Variants in FBN2 observed in about 807,000 individuals in gnomAD.
FBN2 encodes fibrillin 2.
In FBN2, 105 loss-of-function variants were observed where a neutral mutation model predicts 355.6. The observed-to-expected ratio is 0.30, with a 90% CI of 0.25 to 0.35. FBN2 has a LOEUF of 0.35. FBN2 is among the 10% of genes least tolerant of loss of function. The pLI is 1.00. For missense variants in FBN2, 3,280 were observed against 3,758.7 expected (o/e 0.87, Z 3.33); for synonymous variants, 1,350 against 1,301.2 (o/e 1.04, Z -0.81).
chr5:128,329,869 A>T (rs1750647284), intron 33 of FBN2, among the ~76,000 whole-genome samples: 1 of 152,228 alleles, frequency 6.6e-6, no homozygotes, highest in Non-Finnish European at 1.5e-5. Flanking sequence ...CTTTACGTCC[A>T]GCAAGATTAT....
intron 5 of FBN2, among the ~76,000 whole-genome samples, chr5:128,512,508 G>A (rs1211041216): frequency 3.0e-5 from 3 of 98,916 alleles, no homozygotes; most frequent in Admixed American, 1.3e-4. Context: ...GCAGGAACCC[G>A]TCTCAAAAAA....
Position 128,349,434 on chromosome 5 carries a change from T to C in FBN2, c.2902A>G (p.Asn968Asp), listed in dbSNP as rs774248421. The change falls in exon 23 of 65, where the codon AAT (asparagine) becomes GAT (aspartate). Residue 968 changes from asparagine (N) to aspartate (D), a missense_variant. Around this residue, in one of 6 missense-constraint regions of FBN2, gnomAD observed 2,284 missense variants for 2,749.5 expected, o/e 0.83. Transcript: ENST00000262464. Reference sequence around the variant, plus strand: ...CCCTTACTGTTGACACAGCGTCCATTTGGACAAACGCCAGGGAACACCTCA... The same window carrying C: ...CCCTTACTGTTGACACAGCGTCCATCTGGACAAACGCCAGGGAACACCTCA... Reference protein sequence around the residue: ...ECEVFPGVCPNGRCVNSKGSF... With the variant: ...ECEVFPGVCPDGRCVNSKGSF... 2.1e-5 allele frequency: 34 copies of C among 1,613,942 alleles called. No individual in the cohort carries two copies. The highest frequency in any genetic ancestry group is 1.7e-5 in the Admixed American group (1 of 59,992).
intron 46 of FBN2, among the ~76,000 whole-genome samples, 180 bp from the exon 47 acceptor site, chr5:128,301,690 T>C (rs570011979): frequency 6.6e-6 from 1 of 152,326 alleles, no homozygotes; most frequent in Admixed American, 6.5e-5. Context: ...TAGGATCCCA[T>C]AGAGTCCTAC....
intron 48 of FBN2, among the ~76,000 whole-genome samples, chr5:128,293,733 C>T (rs964789515): frequency 4.6e-5 from 7 of 152,008 alleles, no homozygotes; most frequent in Non-Finnish European, 1.0e-4. Context: ...CTTTTATTAG[C>T]ATTCCATAAA....
rs765214316 is a variant in FBN2 at position 128,536,445 on chromosome 5, G to T, written c.294C>A (p.Cys98Ter). ...VCGSRFHSYC[C>*]PGWKTLPGGN... ...CTCCAGGGAGCGTCTTCCATCCAGGGCAGCAGTAGGAGTGGAATCTGGAGC... is the reference window on the plus strand; with the variant it reads ...CTCCAGGGAGCGTCTTCCATCCAGGTCAGCAGTAGGAGTGGAATCTGGAGC... Residue 98 changes from cysteine (C) to a stop codon, truncating the protein, a stop_gained, in exon 2 of 65, where the codon TGC becomes TGA. Coordinates refer to ENST00000262464, the MANE Select transcript of FBN2 (RefSeq NM_001999.4). LOFTEE classifies it high-confidence loss of function. 1 of 1,614,108 alleles carries T rather than the reference G, an allele frequency of 6.2e-7. No homozygotes were observed. Among genetic ancestry groups the T allele is most frequent in the Non-Finnish European group, 8.5e-7 (1 of 1,180,002 alleles).
At chr5:128,367,292 C>T (rs920446652) in intron 16 of FBN2, among the ~76,000 whole-genome samples, 7 of 151,992 alleles carry the variant, frequency 4.6e-5, no homozygotes, top group Admixed American at 2.6e-4. Flanking sequence ...TCATTATCAC[C>T]GGGAAGAATC....
At chr5:128,374,355 A>G (rs1426273516) in intron 15 of FBN2, among the ~76,000 whole-genome samples, 2 of 151,966 alleles carry the variant, frequency 1.3e-5, no homozygotes, top group African/African-American at 4.8e-5. Flanking sequence ...CTCCCACCCC[A>G]TTCTCCCACC....
intron 9 of FBN2, 130 bp downstream of exon 9, chr5:128,394,991 GC>G: frequency 1.0e-6 from 1 of 981,530 alleles, no homozygotes. Flanking sequence ...TCGCCATGTT[GC>G]CCAGGCTGGT....
At chr5:128,350,336 A>G (rs1751313331) in intron 21 of FBN2, among the ~76,000 whole-genome samples, 1 of 152,082 alleles carries the variant, frequency 6.6e-6, no homozygotes, top group Admixed American at 6.6e-5. Flanking sequence ...GGATTACTTG[A>G]AGTCAGGAGT....
chr5:128,316,480 C>T (rs933810066), intron 36 of FBN2, among the ~76,000 whole-genome samples: 1 of 152,094 alleles, frequency 6.6e-6, no homozygotes, highest in Non-Finnish European at 1.5e-5. Flanking sequence ...TGAGTGAACG[C>T]AATAAAGTGT....
At chr5:128,421,803 G>A (rs1455624000) in intron 7 of FBN2, among the ~76,000 whole-genome samples, 2 of 152,164 alleles carry the variant, frequency 1.3e-5, no homozygotes, top group African/African-American at 4.8e-5. Context: ...AATAGCAGGA[G>A]GCAGAATAAT....
Position 128,361,731 on chromosome 5 carries a change from G to T in FBN2, c.2546C>A (p.Thr849Asn). 6.2e-7 allele frequency: 1 copy of T among 1,614,058 alleles called. No individual in the cohort carries two copies. The highest frequency in any genetic ancestry group is 8.5e-7 in the Non-Finnish European group (1 of 1,179,984). The change falls in exon 19 of 65, where the codon ACC becomes AAC. Residue 849 changes from threonine to asparagine, a missense_variant. Physicochemically the swap from Thr to Asn is moderately conservative, Grantham distance 65. This residue lies in a region of FBN2 where 2,284 missense variants were observed against 2,749.5 expected (regional missense o/e 0.83). Transcript: ENST00000262464. The stretch of plus-strand genomic sequence containing the variant: ...ATGAAGACAGCTCTTACCTTCACAG[G>T]TCTCTGTCTCAGTCCTGAACACATA... ...PGYVFRTETE[T>N]CEDINECESN... is the part of the protein sequence containing the mutation.
At position 128,338,066 on chromosome 5, in the gene FBN2, T is replaced by C. The variant is rs922885864; in HGVS notation, c.3529A>G (p.Thr1177Ala). The change falls in exon 27 of 65, where the codon ACT becomes GCT. Residue 1177 changes from threonine to alanine, a missense_variant. Transcript: ENST00000262464. ...CAGTCACACTGAAAGCTGCCCTCAG[T>C]GTTCACACAGGTGCCACCCCTACAA... ...LLCRGGTCVN[T>A]EGSFQCDCPL... 6.2e-7 allele frequency: 1 copy of C among 1,613,942 alleles called. No homozygotes were observed. Among genetic ancestry groups the C allele is most frequent in the African/African-American group, 1.3e-5 (1 of 74,926 alleles).
intron 48 of FBN2, among the ~76,000 whole-genome samples, chr5:128,295,371 A>G (rs1749473982): frequency 6.6e-6 from 1 of 151,336 alleles, no homozygotes; most frequent in South Asian, 2.1e-4. Context: ...AATTCTGTGA[A>G]GAAAGGCATT....
intron 24 of FBN2, among the ~76,000 whole-genome samples, chr5:128,345,058 T>C (rs1469757777): frequency 1.3e-5 from 2 of 152,216 alleles, no homozygotes; most frequent in African/African-American, 4.8e-5. Flanking sequence ...CTACTTGTTT[T>C]ATAAAGATAA....
chr5:128,310,079 C>A lies in FBN2; in HGVS notation c.5104G>T (p.Val1702Leu). The A allele has an allele frequency of 6.2e-7, 1 of 1,613,426 alleles. No individual in the cohort carries two copies. The highest frequency in any genetic ancestry group is 2.2e-5 in the East Asian group (1 of 44,874). Residue 1702 changes from valine (V) to leucine (L), a missense_variant, in exon 40 of 65, where the codon GTG becomes TTG. Val to Leu is a conservative substitution (Grantham distance 32). Transcript: ENST00000262464. ...DIDECFAHPG[V>L]CGPGTCYNTL... Reference sequence around the variant, plus strand: ...TTATAGCAGGTCCCAGGCCCACACACACCAGGATGTGCAAAACACTCATCA... The same window carrying A: ...TTATAGCAGGTCCCAGGCCCACACAAACCAGGATGTGCAAAACACTCATCA...
chr5:128,340,768 T>C (rs955895705), intron 25 of FBN2, among the ~76,000 whole-genome samples: 1 of 152,190 alleles, frequency 6.6e-6, no homozygotes, highest in Non-Finnish European at 1.5e-5. Context: ...TGTTAAGTGC[T>C]GAGAACAGTG....
intron 7 of FBN2, chr5:128,442,260 C>A (rs1037426282): frequency 6.6e-6 from 3 of 451,336 alleles, no homozygotes; most frequent in African/African-American, 2.0e-5. Flanking sequence ...TTTTCTGCCT[C>A]CCATGTAAGC....
chr5:128,282,957 A>G (rs1299484589), intron 55 of FBN2, among the ~76,000 whole-genome samples: 1 of 152,194 alleles, frequency 6.6e-6, no homozygotes, highest in Non-Finnish European at 1.5e-5. Context: ...TCCGTCAACA[A>G]TCCTACTATA....
Sources: gnomAD v4.1 joint callset for allele counts (sites outside exome capture counted in the v4.1 genomes callset) on GRCh38, gnomAD v4.1.1 for gene constraint, gnomAD v4.1.1 regional missense constraint, MANE v1.5 for transcripts, NCBI Gene and HGNC (gene_info 2026-07-23, HGNC 2026-07-21) for gene names.